The following ANKS1B variants were observed in gnomAD, a reference collection of about 807,000 sequenced individuals.
The protein encoded by ANKS1B is ankyrin repeat and sterile alpha motif domain containing 1B, also known as ankyrin repeat and sterile alpha motif domain-containing protein 1B.
In ANKS1B, 36 loss-of-function variants were observed where a neutral mutation model predicts 148.3. The ratio of observed to expected loss-of-function variants is 0.24; its 90% CI spans 0.19 to 0.32. The LOEUF (loss-of-function observed/expected upper bound fraction) is 0.32, where lower values mean the gene tolerates loss of function less well. Ranked by LOEUF, ANKS1B falls within the 10% of genes least tolerant of loss-of-function variation. The probability of loss-of-function intolerance (pLI) is 1.00; values close to 1 mark genes in which losing one functional copy is unlikely to be tolerated. For synonymous variants in ANKS1B, 542 were observed against 560.8 expected (o/e 0.97, Z 0.47); for missense variants, 1,157 against 1,542.6 (o/e 0.75, Z 4.19).
chr12:98,848,547 A>C lies in ANKS1B; in HGVS notation c.2779-16411T>G, dbSNP rs537283783. ...CCCTGGTTCAAATTTCATGAGATTC[A>C]AGTAATTTGTGATTTTTTTTTTTTT... On this transcript the variant is annotated intron_variant, in intron 17 of 26. Coordinates refer to ENST00000683438, the MANE Select transcript of ANKS1B (RefSeq NM_001352186.2). Among the ~76,000 whole-genome samples, 5 of 151,292 alleles carry C rather than the reference A, an allele frequency of 3.3e-5. No individual in the cohort carries two copies. In the South Asian group the frequency reaches 1.0e-3, roughly 32 times the overall value.
rs534217819 is a variant in ANKS1B, at chr12:98,904,993, G to A, written c.2779-72857C>T. On this transcript the variant is annotated intron_variant, in intron 17 of 26. Transcript: ENST00000683438. ...ATCTGTAATTTCTTCATTATGCTAT[G>A]CTGTCTCCTTAAATAATTAGCAGTT... Among the ~76,000 whole-genome samples, 8 of 152,214 alleles carry A rather than the reference G, an allele frequency of 5.3e-5. No homozygotes were observed. In the East Asian group the frequency reaches 1.5e-3, roughly 29 times the overall value.
At chr12:99,328,976 A>G (rs2086992658) in intron 12 of ANKS1B, among the ~76,000 whole-genome samples, 1 of 151,932 alleles carries the variant, frequency 6.6e-6, no homozygotes, top group African/African-American at 2.4e-5. Context: ...AAGTAAATTC[A>G]GCAATGCAAA....
At chr12:99,870,069 T>C (rs776605107) in intron 1 of ANKS1B, among the ~76,000 whole-genome samples, 6 of 152,228 alleles carry the variant, frequency 3.9e-5, no homozygotes, top group Non-Finnish European at 5.9e-5. Context: ...TAGTATTCGA[T>C]AGTTTTTCAA....
chr12:99,950,144 A>G (rs1327168203), intron 1 of ANKS1B, among the ~76,000 whole-genome samples: 2 of 120,114 alleles, frequency 1.7e-5, no homozygotes, highest in African/African-American at 7.6e-5. Context: ...TTTTTTTAGC[A>G]GAGACGAGCT....
At chr12:99,492,427 A>C (rs976258477) in intron 10 of ANKS1B, among the ~76,000 whole-genome samples, 1 of 152,194 alleles carries the variant, frequency 6.6e-6, no homozygotes, top group African/African-American at 2.4e-5. Context: ...AACAACCAAA[A>C]AAAGCCTATG....
intron 1 of ANKS1B, among the ~76,000 whole-genome samples, chr12:99,959,227 A>ATTTTTTTTTTTT (rs71088166): frequency 1.8e-4 from 18 of 99,868 alleles, no homozygotes; most frequent in East Asian, 6.1e-4. Flanking sequence ...CACCCAGTTA[A>ATTTTTTTTTTTT]TTTTTTTTTT....
intron 17 of ANKS1B, among the ~76,000 whole-genome samples, chr12:98,967,407 C>G (rs975726310): frequency 1.3e-5 from 2 of 151,870 alleles, no homozygotes; most frequent in Non-Finnish European, 2.9e-5. Flanking sequence ...ATCTAAGGCC[C>G]TCGATGAGGT....
chr12:99,079,386 G>C (rs1156937230), intron 16 of ANKS1B, among the ~76,000 whole-genome samples: 1 of 152,144 alleles, frequency 6.6e-6, no homozygotes, highest in African/African-American at 2.4e-5. Context: ...GTGCCATTCA[G>C]TGAAAAAAAT....
At chr12:99,186,755 A>C (rs750210609) in intron 14 of ANKS1B, among the ~76,000 whole-genome samples, 17 of 152,192 alleles carry the variant, frequency 1.1e-4, no homozygotes, top group Non-Finnish European at 2.5e-4. Flanking sequence ...AGATAAATCC[A>C]TGAAGATGGG....
At chr12:99,881,912 A>G (rs750179055) in intron 1 of ANKS1B, among the ~76,000 whole-genome samples, 19 of 152,258 alleles carry the variant, frequency 1.2e-4, no homozygotes, top group Non-Finnish European at 7.3e-5. Context: ...ATTACTCAGC[A>G]TTACAAAGAG....
chr12:99,412,983 G>A (rs2094767634), intron 11 of ANKS1B, among the ~76,000 whole-genome samples: 1 of 152,164 alleles, frequency 6.6e-6, no homozygotes, highest in Non-Finnish European at 1.5e-5. Context: ...ATCAAGACTT[G>A]CTCTAAAGAT....
At chr12:99,750,109 C>T (rs2060965668) in intron 8 of ANKS1B, among the ~76,000 whole-genome samples, 1 of 151,980 alleles carries the variant, frequency 6.6e-6, no homozygotes, top group South Asian at 2.1e-4. Context: ...CTCTCTCAAG[C>T]ATATTAGAAT....
intron 19 of ANKS1B, among the ~76,000 whole-genome samples, chr12:98,809,989 G>A (rs939343826): frequency 3.3e-5 from 5 of 152,136 alleles, no homozygotes; most frequent in Admixed American, 6.5e-5. Context: ...GTTAAGTCAC[G>A]CACCCCTATA....
chr12:99,835,975 T>C (rs1482760822), intron 1 of ANKS1B, among the ~76,000 whole-genome samples: 1 of 152,206 alleles, frequency 6.6e-6, no homozygotes, highest in East Asian at 1.9e-4. Context: ...AAAAAAGTAT[T>C]GTCACATTGG....
intron 12 of ANKS1B, among the ~76,000 whole-genome samples, chr12:99,337,882 C>G (rs563701861): frequency 3.3e-5 from 5 of 152,276 alleles, no homozygotes; most frequent in Non-Finnish European, 7.4e-5. Flanking sequence ...TAGTCTTTCA[C>G]TCTGTGCTGA....
chr12:99,935,474 GAAATCA>G, intron 1 of ANKS1B, among the ~76,000 whole-genome samples: 1 of 152,120 alleles, frequency 6.6e-6, no homozygotes, highest in Admixed American at 6.5e-5. Context: ...CTCACAGGCT[GAAATCA>G]AAATGTCCAC....
intron 12 of ANKS1B, among the ~76,000 whole-genome samples, chr12:99,390,574 G>A (rs1012827556): frequency 1.3e-5 from 2 of 152,130 alleles, no homozygotes; most frequent in East Asian, 1.9e-4. Flanking sequence ...CACTGGCCTC[G>A]AGAGAATGTA....
chr12:98,736,810 G>A (rs757990669), intron 9 of ANKS1B, among the ~76,000 whole-genome samples: 1 of 152,156 alleles, frequency 6.6e-6, no homozygotes, highest in Non-Finnish European at 1.5e-5. Context: ...GCCCCTTAAC[G>A]TCTTCTTGTC....
chr12:99,553,346 G>C (rs893340872), intron 9 of ANKS1B, among the ~76,000 whole-genome samples: 1 of 152,168 alleles, frequency 6.6e-6, no homozygotes, highest in Non-Finnish European at 1.5e-5. Context: ...ATTCAATGCA[G>C]TAACCAAATA....
Sources: gnomAD v4.1 joint callset for allele counts (sites outside exome capture counted in the v4.1 genomes callset) on GRCh38, gnomAD v4.1.1 for gene constraint, MANE v1.5 for transcripts, NCBI Gene and HGNC (gene_info 2026-07-23, HGNC 2026-07-21) for gene names.